Variants in LASP1 observed in about 807,000 individuals in gnomAD.
The protein encoded by LASP1 is LIM and SH3 protein 1.
A neutral mutation model predicts 38.6 loss-of-function variants in LASP1; 10 were observed. That is an observed-to-expected ratio of 0.26 (90% CI 0.16 to 0.44). LASP1 has a LOEUF of 0.44. Ranked by LOEUF, LASP1 falls within the 20% of genes least tolerant of loss-of-function variation. The pLI is 1.00. For missense variants in LASP1, 243 were observed against 375.7 expected, an observed-to-expected ratio of 0.65 and a Z score of 2.92; for synonymous variants, 132 against 140.8, an observed-to-expected ratio of 0.94 and a Z score of 0.44.
In LASP1 at chr17:38,919,980, T is replaced by G. The variant is rs1010020130; in HGVS notation, c.*1202T>G. Reference sequence around the variant, plus strand: ...TGAAGAGCTGTCTTCCCCTGAGAGTTTCCTCAGAACCCACAGTGAGAGGGG... The same window carrying G: ...TGAAGAGCTGTCTTCCCCTGAGAGTGTCCTCAGAACCCACAGTGAGAGGGG... On this transcript the variant is annotated 3_prime_UTR_variant, in exon 7 of 7. Transcript: ENST00000318008. 23 of 534,888 alleles carry G rather than the reference T, an allele frequency of 4.3e-5. No homozygotes were observed. Among genetic ancestry groups the G allele is most frequent in the African/African-American group, 4.3e-4 (23 of 53,874 alleles). 33.1% of individuals were successfully genotyped at this position (534,888 alleles called of 1,614,324 possible). A position where few individuals can be genotyped will look rare whatever the true frequency, so the allele number is the denominator to read the frequency against.
intron 2 of LASP1, among the ~76,000 whole-genome samples, chr17:38,884,853 G>T (rs1446375261): frequency 6.6e-6 from 1 of 151,780 alleles, no homozygotes; most frequent in Non-Finnish European, 1.5e-5. Flanking sequence ...ACCACGCCCG[G>T]CTAATTTTTG....
chr17:38,899,329 G>A (rs140223144), intron 4 of LASP1: 213 of 159,426 alleles, frequency 1.3e-3, no homozygotes, highest in African/African-American at 4.7e-3. Context: ...AGCTGTCTTC[G>A]TGTCTGGAAC....
intron 1 of LASP1, among the ~76,000 whole-genome samples, chr17:38,873,661 A>G (rs1450006299): frequency 6.6e-6 from 1 of 152,192 alleles, no homozygotes; most frequent in Non-Finnish European, 1.5e-5. Flanking sequence ...GCCACTGGGA[A>G]TAATCCTGTC....
At chr17:38,904,214 T>C (rs1054671816) in intron 4 of LASP1, among the ~76,000 whole-genome samples, 7 of 152,196 alleles carry the variant, frequency 4.6e-5, no homozygotes, top group African/African-American at 9.7e-5. Context: ...TAAGTACTTA[T>C]CATATCTTTA....
In LASP1 at chr17:38,918,512, C is replaced by A; in HGVS notation, c.613-93C>A. The A allele has an allele frequency of 1.6e-6, 2 of 1,273,870 alleles. No individual in the cohort carries two copies. The highest frequency in any genetic ancestry group is 1.1e-6 in the Non-Finnish European group (1 of 920,398). 78.9% of individuals were successfully genotyped at this position (1,273,870 alleles called of 1,614,324 possible). Reference sequence around the variant, plus strand: ...TTTCTGAGTTCACTGCTCCCCCAGGCTCTGCTCCAGGGTCGTGGAGAGTTA... The same window carrying A: ...TTTCTGAGTTCACTGCTCCCCCAGGATCTGCTCCAGGGTCGTGGAGAGTTA... On this transcript the variant is annotated intron_variant, in intron 6 of 6. Coordinates refer to ENST00000318008, the MANE Select transcript of LASP1 (RefSeq NM_006148.4). The surrounding 1 kb of genome is among the most constrained non-coding windows in gnomAD (Gnocchi z 4.4).
Position 38,919,331 on chromosome 17 carries a change from C to T in LASP1, c.*553C>T, listed in dbSNP as rs996601528. 1.2e-5 allele frequency: 3 copies of T among 241,364 alleles called. No homozygotes were observed. The highest frequency in any genetic ancestry group is 2.4e-5 in the Non-Finnish European group (3 of 122,526). 15.0% of individuals were successfully genotyped at this position (241,364 alleles called of 1,614,324 possible). A position where few individuals can be genotyped will look rare whatever the true frequency, so the allele number is the denominator to read the frequency against. On this transcript the variant is annotated 3_prime_UTR_variant, in exon 7 of 7. Coordinates refer to ENST00000318008, the MANE Select transcript of LASP1 (RefSeq NM_006148.4). ...CTGGGGTCTCTCTCCCTACCTCCCTCCTCAGGGGCAACAACAGGAGAATGG... is the reference window on the plus strand; with the variant it reads ...CTGGGGTCTCTCTCCCTACCTCCCTTCTCAGGGGCAACAACAGGAGAATGG...
intron 5 of LASP1, 94 bp downstream of exon 5, chr17:38,914,569 C>T (rs1598122523): frequency 2.5e-5 from 35 of 1,413,286 alleles, no homozygotes; most frequent in South Asian, 1.1e-4. Context: ...ATACACCTTC[C>T]GGAGCCTTGC....
At chr17:38,890,309 GGCGT>G in intron 2 of LASP1, 107 bp from the exon 3 acceptor site, 1 of 949,658 alleles carries the variant, frequency 1.1e-6, no homozygotes, top group Non-Finnish European at 1.6e-6. Flanking sequence ...GCCGGGCCAG[GGCGT>G]GCCCAAGCAT....
chr17:38,876,618 C>T (rs1409436981), intron 1 of LASP1, among the ~76,000 whole-genome samples: 1 of 152,132 alleles, frequency 6.6e-6, no homozygotes, highest in East Asian at 1.9e-4. Flanking sequence ...CCTGCCACAG[C>T]CTCCCGAAGT....
chr17:38,873,234 C>G (rs1290567279), intron 1 of LASP1, among the ~76,000 whole-genome samples: 1 of 152,104 alleles, frequency 6.6e-6, no homozygotes, highest in Non-Finnish European at 1.5e-5. Flanking sequence ...GCTCCCTCCC[C>G]ACTCGAGGGG....
rs1224056086 is a variant in LASP1 at position 38,911,656 on chromosome 17, GGT to G, written c.358-2667_358-2666del. Among the ~76,000 whole-genome samples, 5 of 152,316 alleles carry G rather than the reference GGT, an allele frequency of 3.3e-5. No homozygotes were observed. The East Asian group carries it at 9.6e-4, about 29-fold the overall frequency. On this transcript the variant is annotated intron_variant, in intron 4 of 6. Coordinates refer to ENST00000318008, the MANE Select transcript of LASP1 (RefSeq NM_006148.4). ...TGGGCCCCGTGTCTGGGAGTGCCCT[GGT>G]GCCCTTCCTAGTGGGGTTGGGCGTG...
At chr17:38,909,170 C>A (rs770455431) in intron 4 of LASP1, among the ~76,000 whole-genome samples, 3 of 152,220 alleles carry the variant, frequency 2.0e-5, no homozygotes, top group Non-Finnish European at 2.9e-5. Context: ...GTCCTGCTTT[C>A]TGAGTTTCCC....
Position 38,915,053 on chromosome 17 carries a change from GC to G in LASP1, c.523del (p.Gln175SerfsTer119). The G allele has an allele frequency of 6.2e-7, 1 of 1,613,942 alleles. No individual in the cohort carries two copies. The highest frequency in any genetic ancestry group is 8.5e-7 in the Non-Finnish European group (1 of 1,179,956). On this transcript the variant is annotated frameshift_variant, in exon 6 of 7. Coordinates refer to ENST00000318008, the MANE Select transcript of LASP1 (RefSeq NM_006148.4). LOFTEE classifies it high-confidence loss of function. ...IPTSAPVYQQ[P>X]QQQPVAQSYG... The stretch of plus-strand genomic sequence containing the variant: ...CCTCCCATCTTCCAGTTTACCAGCA[GC>G]CCCAGCAGCAGCCGGTGGCCCAGTC...
intron 3 of LASP1, 109 bp downstream of exon 3, chr17:38,890,613 C>A: frequency 3.1e-6 from 3 of 956,554 alleles, no homozygotes; most frequent in Non-Finnish European, 5.0e-6. Context: ...TCTGCAAGGC[C>A]AAGGTGCTGA....
At chr17:38,881,672 C>G (rs892738721) in intron 2 of LASP1, among the ~76,000 whole-genome samples, 1 of 152,212 alleles carries the variant, frequency 6.6e-6, no homozygotes, top group Non-Finnish European at 1.5e-5. Flanking sequence ...GTGCTCCATG[C>G]TGGGCCAAGC....
chr17:38,881,438 A>G (rs1913947028), intron 2 of LASP1, among the ~76,000 whole-genome samples: 1 of 151,958 alleles, frequency 6.6e-6, no homozygotes, highest in South Asian at 2.1e-4. Context: ...CGCCATGCTA[A>G]TTTTTAAGTT....
intron 3 of LASP1, among the ~76,000 whole-genome samples, chr17:38,897,686 T>G (rs1168656589): frequency 6.6e-6 from 1 of 152,202 alleles, no homozygotes; most frequent in Non-Finnish European, 1.5e-5. Flanking sequence ...AGATGCTGTC[T>G]GACCCCCGCT....
At chr17:38,889,376 C>T (rs920589232) in intron 2 of LASP1, among the ~76,000 whole-genome samples, 3 of 152,228 alleles carry the variant, frequency 2.0e-5, no homozygotes, top group South Asian at 2.1e-4. Context: ...GTGATCTGCC[C>T]GCCTCGGCCT....
At chr17:38,891,033 T>C (rs1914304207) in intron 3 of LASP1, among the ~76,000 whole-genome samples, 1 of 152,150 alleles carries the variant, frequency 6.6e-6, no homozygotes, top group African/African-American at 2.4e-5. Flanking sequence ...GTGGGAGGTA[T>C]GTGCCCCTGT....
Sources: allele counts gnomAD v4.1 joint callset (sites outside exome capture counted in the v4.1 genomes callset), GRCh38; gene constraint gnomAD v4.1.1; non-coding constraint Gnocchi (gnomAD v3.1); transcripts MANE v1.5; gene names NCBI Gene and HGNC (gene_info 2026-07-23, HGNC 2026-07-21).